The following STXBP5L variants were observed in gnomAD, a reference collection of about 807,000 sequenced individuals.
STXBP5L encodes the protein syntaxin-binding protein 5-like.
A neutral mutation model predicts 144.5 loss-of-function variants in STXBP5L; 65 were observed. The ratio of observed to expected loss-of-function variants is 0.45; its 90% CI spans 0.37 to 0.55. STXBP5L has a LOEUF of 0.55. Ranked by LOEUF, STXBP5L falls within the 20% of genes least tolerant of loss-of-function variation. STXBP5L has a pLI of 0.00. For synonymous variants in STXBP5L, 505 were observed against 469.6 expected (o/e 1.08, Z -0.97); for missense variants, 1,298 against 1,405.5 (o/e 0.92, Z 1.22).
At chr3:121,093,072 A>T (rs1225159511) in intron 5 of STXBP5L, among the ~76,000 whole-genome samples, 1 of 152,202 alleles carries the variant, frequency 6.6e-6, no homozygotes, top group African/African-American at 2.4e-5. Flanking sequence ...GCTGGATTAC[A>T]TTTATTGATT....
chr3:121,160,214 C>G (rs1295178745), intron 9 of STXBP5L, among the ~76,000 whole-genome samples: 1 of 152,056 alleles, frequency 6.6e-6, no homozygotes, highest in Non-Finnish European at 1.5e-5. Flanking sequence ...ATTAAATTTC[C>G]TAATATGATT....
chr3:120,976,338 G>A (rs1941010712), intron 3 of STXBP5L, among the ~76,000 whole-genome samples: 1 of 152,140 alleles, frequency 6.6e-6, no homozygotes, highest in South Asian at 2.1e-4. Flanking sequence ...GTGTAGAGGT[G>A]TTTGTAGTAT....
At position 121,167,986 on chromosome 3, in the gene STXBP5L, C is replaced by T. The variant is rs1295224804; in HGVS notation, c.877+10359C>T. ...TGGGACAAGCTTCCAGAGGAAGGAC[C>T]AGGCAGCAATCTTCGCTGTTCTGCA... On this transcript the variant is annotated intron_variant, in intron 9 of 26. Coordinates refer to ENST00000471454, the MANE Select transcript of STXBP5L (RefSeq NM_001308330.2). Among the ~76,000 whole-genome samples the T allele has an allele frequency of 2.0e-5, 3 of 152,126 alleles. No individual in the cohort carries two copies. In the East Asian group the frequency reaches 5.8e-4, roughly 29 times the overall value.
chr3:121,323,487 G>A (rs542686044), intron 20 of STXBP5L, among the ~76,000 whole-genome samples: 1 of 152,250 alleles, frequency 6.6e-6, no homozygotes, highest in Admixed American at 6.5e-5. Context: ...GGATAATACA[G>A]GAGAAAAGAG....
At chr3:121,190,450 C>T (rs1008108783) in intron 9 of STXBP5L, among the ~76,000 whole-genome samples, 1 of 152,340 alleles carries the variant, frequency 6.6e-6, no homozygotes, top group African/African-American at 2.4e-5. Flanking sequence ...CCTATGTCTA[C>T]CCCCTTCAAC....
intron 14 of STXBP5L, among the ~76,000 whole-genome samples, chr3:121,246,365 G>T (rs2108351554): frequency 6.6e-6 from 1 of 152,286 alleles, no homozygotes; most frequent in Admixed American, 6.5e-5. Flanking sequence ...TGCCAAAAAG[G>T]TTGGGGAGTG....
intron 16 of STXBP5L, among the ~76,000 whole-genome samples, chr3:121,255,507 A>G (rs2050175765): frequency 6.6e-6 from 1 of 151,944 alleles, no homozygotes; most frequent in African/African-American, 2.4e-5. Flanking sequence ...ATACACCTAT[A>G]TATTCTTCTA....
At chr3:120,993,374 A>G (rs760205352) in intron 3 of STXBP5L, among the ~76,000 whole-genome samples, 1 of 152,022 alleles carries the variant, frequency 6.6e-6, no homozygotes, top group Non-Finnish European at 1.5e-5. Context: ...CTTTCTTAAT[A>G]AATCATTTCT....
At chr3:121,119,677 T>A (rs2044376018) in intron 6 of STXBP5L, among the ~76,000 whole-genome samples, 1 of 151,272 alleles carries the variant, frequency 6.6e-6, no homozygotes, top group South Asian at 2.1e-4. Flanking sequence ...TGACCATAAG[T>A]TTTTCCAGGA....
At chr3:121,403,379 C>G (rs1217907473) in intron 22 of STXBP5L, among the ~76,000 whole-genome samples, 1 of 152,108 alleles carries the variant, frequency 6.6e-6, no homozygotes, top group Non-Finnish European at 1.5e-5. Flanking sequence ...ATACTCTAGA[C>G]TCTGTTTGTA....
chr3:121,355,681 A>T (rs1040386200), intron 20 of STXBP5L, among the ~76,000 whole-genome samples: 2 of 152,042 alleles, frequency 1.3e-5, no homozygotes. Context: ...TCTGAAGCCT[A>T]CTTCTGTCAA....
chr3:121,243,846 T>C (rs570780694), intron 14 of STXBP5L, among the ~76,000 whole-genome samples: 46 of 152,322 alleles, frequency 3.0e-4, no homozygotes, highest in Non-Finnish European at 6.5e-4. Context: ...TTAACATCAT[T>C]CTTGTACAGT....
chr3:121,281,349 A>G (rs1559932608), intron 19 of STXBP5L, among the ~76,000 whole-genome samples: 1 of 151,986 alleles, frequency 6.6e-6, no homozygotes, highest in African/African-American at 2.4e-5. Flanking sequence ...CTCTATCACT[A>G]CCAGATTTTG....
intron 7 of STXBP5L, among the ~76,000 whole-genome samples, chr3:121,123,162 G>A (rs909456673): frequency 2.0e-5 from 3 of 151,360 alleles, no homozygotes; most frequent in Non-Finnish European, 4.4e-5. Flanking sequence ...ACATCATACC[G>A]ACAAAATGTT....
intron 19 of STXBP5L, among the ~76,000 whole-genome samples, chr3:121,313,463 G>C (rs1286924319): frequency 1.1e-4 from 10 of 88,582 alleles, no homozygotes; most frequent in African/African-American, 3.0e-4. Flanking sequence ...CTCCCTCCTG[G>C]ACGGGGCGAC....
intron 5 of STXBP5L, among the ~76,000 whole-genome samples, chr3:121,060,079 G>A (rs1421857415): frequency 1.3e-5 from 2 of 152,066 alleles, no homozygotes; most frequent in Non-Finnish European, 2.9e-5. Context: ...TCCAGTTTTT[G>A]CCCATTCAGT....
intron 19 of STXBP5L, among the ~76,000 whole-genome samples, chr3:121,291,226 A>G (rs1445901136): frequency 1.3e-5 from 2 of 152,318 alleles, no homozygotes; most frequent in East Asian, 3.9e-4. Context: ...ATCAATGTAC[A>G]CAAATCAATA....
chr3:121,278,434 A>G (rs912640043), intron 18 of STXBP5L, among the ~76,000 whole-genome samples: 2 of 151,954 alleles, frequency 1.3e-5, no homozygotes, highest in Non-Finnish European at 2.9e-5. Flanking sequence ...TATTTATGGT[A>G]TATAGAATGT....
At chr3:121,372,026 G>A (rs1177610075) in intron 20 of STXBP5L, among the ~76,000 whole-genome samples, 2 of 152,334 alleles carry the variant, frequency 1.3e-5, no homozygotes, top group Non-Finnish European at 1.5e-5. Context: ...AAGCAATGTG[G>A]AGGTGGCTAC....
Sources: allele counts gnomAD v4.1 joint callset (sites outside exome capture counted in the v4.1 genomes callset), GRCh38; gene constraint gnomAD v4.1.1; transcripts MANE v1.5; gene names NCBI Gene and HGNC (gene_info 2026-07-23, HGNC 2026-07-21).